PDE7B: variants seen among roughly 807,000 people sequenced by gnomAD.
The protein encoded by PDE7B is phosphodiesterase 7B, also known as 3',5'-cyclic-AMP phosphodiesterase 7B.
A neutral mutation model predicts 56.2 loss-of-function variants in PDE7B; 29 were observed. The observed-to-expected ratio is 0.52, with a 90% CI of 0.38 to 0.70. The LOEUF (loss-of-function observed/expected upper bound fraction) is 0.70, where lower values mean the gene tolerates loss of function less well. Among genes scored for constraint, PDE7B ranks in the 30% least tolerant of loss-of-function variants. PDE7B has a pLI of 0.00. For synonymous variants in PDE7B, 197 were observed against 196.9 expected (o/e 1.00, Z 0.00); for missense variants, 490 against 565.0 (o/e 0.87, Z 1.35).
At chr6:135,992,619 T>C (rs958030781) in intron 2 of PDE7B, among the ~76,000 whole-genome samples, 13 of 152,214 alleles carry the variant, frequency 8.5e-5, no homozygotes. Flanking sequence ...ACTTTCCTTT[T>C]TACTTAATTG....
intron 2 of PDE7B, among the ~76,000 whole-genome samples, chr6:136,099,795 A>G (rs1358382958): frequency 6.6e-6 from 1 of 152,054 alleles, no homozygotes; most frequent in Non-Finnish European, 1.5e-5. Flanking sequence ...CCATTTGTGT[A>G]TTTTGGCTTT....
intron 1 of PDE7B, among the ~76,000 whole-genome samples, chr6:135,902,974 A>G (rs1327115088): frequency 1.3e-5 from 2 of 152,230 alleles, no homozygotes; most frequent in Non-Finnish European, 2.9e-5. Context: ...AGCACTGAGT[A>G]AGTGGTATTT....
At chr6:135,893,330 T>A (rs1775842556) in intron 1 of PDE7B, among the ~76,000 whole-genome samples, 1 of 151,018 alleles carries the variant, frequency 6.6e-6, no homozygotes. Flanking sequence ...TTGTTTTTTG[T>A]TCCTTGAGAT....
intron 1 of PDE7B, among the ~76,000 whole-genome samples, chr6:135,918,185 C>A (rs1301992358): frequency 6.6e-6 from 1 of 152,150 alleles, no homozygotes; most frequent in Admixed American, 6.5e-5. Context: ...TCAGCAAGAT[C>A]CCTGGGTTCT....
At chr6:136,050,186 C>T (rs1187054562) in intron 2 of PDE7B, among the ~76,000 whole-genome samples, 1 of 152,278 alleles carries the variant, frequency 6.6e-6, no homozygotes, top group South Asian at 2.1e-4. Context: ...AAATACTTAA[C>T]GTCTCCGTGA....
chr6:136,155,583 T>G (rs1321958963), intron 7 of PDE7B, 44 bp from the exon 8 acceptor site: 1 of 1,555,238 alleles, frequency 6.4e-7, no homozygotes, highest in South Asian at 1.2e-5. Flanking sequence ...TGAGCCTATT[T>G]GTGAAAATAC....
At chr6:136,107,625 G>A (rs537216660) in intron 2 of PDE7B, among the ~76,000 whole-genome samples, 1 of 152,248 alleles carries the variant, frequency 6.6e-6, no homozygotes, top group African/African-American at 2.4e-5. Context: ...ACACTTCGAA[G>A]TGGGTCTTAA....
intron 8 of PDE7B, among the ~76,000 whole-genome samples, chr6:136,169,800 C>T (rs535989324): frequency 6.6e-6 from 1 of 152,328 alleles, no homozygotes; most frequent in South Asian, 2.1e-4. Context: ...AATCAGCCTT[C>T]TCTTTTGTTG....
rs151301411 is a variant in PDE7B at position 136,148,888 on chromosome 6, A to T, written c.319-199A>T. On this transcript the variant is annotated intron_variant, in intron 4 of 12. Coordinates refer to ENST00000308191, the MANE Select transcript of PDE7B (RefSeq NM_018945.4). Reference sequence around the variant, plus strand: ...AACCTAATATCCCTTCATTTTTCTGACGTGTTGTGACGGTCTTTTTGTGTC... The same window carrying T: ...AACCTAATATCCCTTCATTTTTCTGTCGTGTTGTGACGGTCTTTTTGTGTC... Among the ~76,000 whole-genome samples, 320 of 152,288 alleles carry T rather than the reference A, an allele frequency of 2.1e-3. 1 individual carries two copies. The highest frequency in any genetic ancestry group is 7.5e-3 in the African/African-American group (313 of 41,566).
chr6:135,979,153 G>C (rs1775248528), intron 2 of PDE7B, among the ~76,000 whole-genome samples: 1 of 151,818 alleles, frequency 6.6e-6, no homozygotes, highest in Non-Finnish European at 1.5e-5. Context: ...TTTTGTCTTT[G>C]GTTCTGTTTA....
In PDE7B at chr6:135,892,905, T is replaced by C. The variant is rs546229925; in HGVS notation, c.21+40886T>C. Among the ~76,000 whole-genome samples, 4 of 152,320 alleles carry C rather than the reference T, an allele frequency of 2.6e-5. No homozygotes were observed. In the East Asian group the frequency reaches 7.7e-4, roughly 29 times the overall value. ...ACATATGCTTTGTTTCCATGTTCAC[T>C]GTTGAACTTATGCTCCAGAAAGTCT... On this transcript the variant is annotated intron_variant, in intron 1 of 12. Transcript: ENST00000308191.
chr6:135,981,300 G>A (rs1775291597), intron 2 of PDE7B, among the ~76,000 whole-genome samples: 1 of 107,010 alleles, frequency 9.3e-6, no homozygotes, highest in Admixed American at 1.1e-4. Context: ...GGGGGGAGGG[G>A]GGAGGGATAG....
intron 3 of PDE7B, among the ~76,000 whole-genome samples, chr6:136,139,766 T>C (rs1041785511): frequency 6.6e-6 from 1 of 152,248 alleles, no homozygotes; most frequent in Non-Finnish European, 1.5e-5. Flanking sequence ...CATAAATGTC[T>C]TCTTTTGAGA....
intron 1 of PDE7B, among the ~76,000 whole-genome samples, chr6:135,942,563 G>A (rs892618263): frequency 2.6e-5 from 4 of 151,976 alleles, no homozygotes; most frequent in East Asian, 1.9e-4. Flanking sequence ...TATAGTTGCC[G>A]TGTTGTACAA....
intron 2 of PDE7B, among the ~76,000 whole-genome samples, chr6:135,951,732 T>G (rs1347782168): frequency 6.6e-6 from 1 of 152,182 alleles, no homozygotes; most frequent in Non-Finnish European, 1.5e-5. Context: ...GGTTTAATTT[T>G]TTTAATTTGA....
chr6:135,915,474 C>T (rs1156426461), intron 1 of PDE7B, among the ~76,000 whole-genome samples: 1 of 152,200 alleles, frequency 6.6e-6, no homozygotes, highest in Non-Finnish European at 1.5e-5. Flanking sequence ...TTAATTTTAG[C>T]TATTCCTGTA....
chr6:136,004,105 A>G (rs1248784973), intron 2 of PDE7B, among the ~76,000 whole-genome samples: 1 of 152,182 alleles, frequency 6.6e-6, no homozygotes, highest in Non-Finnish European at 1.5e-5. Flanking sequence ...CAAAAATCAC[A>G]TGATTATCTC....
chr6:135,963,160 A>G (rs1774937488), intron 2 of PDE7B, among the ~76,000 whole-genome samples: 1 of 152,188 alleles, frequency 6.6e-6, no homozygotes, highest in Non-Finnish European at 1.5e-5. Context: ...ACATATACAC[A>G]TGGAGACACA....
chr6:136,159,517 A>G (rs1778668482), intron 8 of PDE7B, among the ~76,000 whole-genome samples: 1 of 152,204 alleles, frequency 6.6e-6, no homozygotes, highest in Non-Finnish European at 1.5e-5. Flanking sequence ...AGGCAGTGCT[A>G]TCGTTTCTTC....
Sources: allele counts gnomAD v4.1 joint callset (sites outside exome capture counted in the v4.1 genomes callset), GRCh38; gene constraint gnomAD v4.1.1; transcripts MANE v1.5; gene names NCBI Gene and HGNC (gene_info 2026-07-23, HGNC 2026-07-21).